The following PLA2G4A variants were observed in gnomAD, a reference collection of about 807,000 sequenced individuals.
PLA2G4A encodes cytosolic phospholipase A2.
Under a neutral mutation model 81.9 loss-of-function variants are expected in PLA2G4A, and 40 were observed. The ratio of observed to expected loss-of-function variants is 0.49; its 90% CI spans 0.38 to 0.64. The LOEUF (loss-of-function observed/expected upper bound fraction) is 0.64. Ranked by LOEUF, PLA2G4A falls within the 30% of genes least tolerant of loss-of-function variation. PLA2G4A has a pLI of 0.00. For missense variants in PLA2G4A, 715 were observed against 905.1 expected (o/e 0.79, Z 2.69); for synonymous variants, 302 against 296.9 (o/e 1.02, Z -0.18).
intron 3 of PLA2G4A, among the ~76,000 whole-genome samples, chr1:186,884,495 A>C (rs1653857536): frequency 6.6e-6 from 1 of 152,168 alleles, no homozygotes; most frequent in Non-Finnish European, 1.5e-5. Flanking sequence ...CAACTTAGGA[A>C]ACACATATTA....
At chr1:186,922,774 G>A (rs1571404867) in intron 7 of PLA2G4A, among the ~76,000 whole-genome samples, 1 of 152,328 alleles carries the variant, frequency 6.6e-6, no homozygotes, top group East Asian at 1.9e-4. Flanking sequence ...TGTCTCAAGA[G>A]CTGAGCTCCC....
At chr1:186,968,036 G>T (rs1035046180) in intron 15 of PLA2G4A, among the ~76,000 whole-genome samples, 1 of 152,062 alleles carries the variant, frequency 6.6e-6, no homozygotes, top group Admixed American at 6.6e-5. Flanking sequence ...GATGACCTAT[G>T]AGAAACAATG....
At chr1:186,857,154 C>A (rs1483998493) in intron 2 of PLA2G4A, among the ~76,000 whole-genome samples, 2 of 43,194 alleles carry the variant, frequency 4.6e-5, no homozygotes, top group African/African-American at 2.7e-4. Context: ...TATATAATTA[C>A]ATAATATAAT....
intron 8 of PLA2G4A, among the ~76,000 whole-genome samples, chr1:186,937,180 T>C (rs1267285284): frequency 4.0e-5 from 6 of 151,716 alleles, no homozygotes; most frequent in Non-Finnish European, 8.8e-5. Flanking sequence ...ATGCCAATGG[T>C]TGAAGTATTC....
intron 1 of PLA2G4A, among the ~76,000 whole-genome samples, chr1:186,841,682 A>T (rs1402370606): frequency 6.6e-6 from 1 of 152,210 alleles, no homozygotes; most frequent in Admixed American, 6.5e-5. Context: ...GTTTTTGACC[A>T]CCAAGAGGTG....
intron 5 of PLA2G4A, among the ~76,000 whole-genome samples, chr1:186,897,056 G>A (rs1294321191): frequency 6.6e-6 from 1 of 152,196 alleles, no homozygotes; most frequent in East Asian, 1.9e-4. Context: ...AGAGATGTAA[G>A]CCTTGAAGAT....
chr1:186,981,652 C>T (rs905012168), intron 17 of PLA2G4A, among the ~76,000 whole-genome samples: 4 of 152,138 alleles, frequency 2.6e-5, no homozygotes, highest in African/African-American at 9.7e-5. Flanking sequence ...GTGCAACCAA[C>T]CCCACCATCT....
chr1:186,905,090 G>C (rs986264866), intron 5 of PLA2G4A, among the ~76,000 whole-genome samples: 2 of 152,150 alleles, frequency 1.3e-5, no homozygotes, highest in South Asian at 4.1e-4. Context: ...CCTGACATCA[G>C]GTGATCCACC....
chr1:186,832,435 C>T lies in PLA2G4A; in HGVS notation c.-70+3400C>T, dbSNP rs562094757. ...TTTGAGGATTCTTTAAAATATTTAG[C>T]GAAATCTCATGGAATGCTAGTGATT... On this transcript the variant is annotated intron_variant, in intron 1 of 17. Transcript: ENST00000367466. 4.6e-5 allele frequency among the ~76,000 whole-genome samples: 7 copies of T among 151,956 alleles called. No homozygotes were observed. In the South Asian group the frequency reaches 6.2e-4, roughly 14 times the overall value.
chr1:186,862,505 C>A lies in PLA2G4A; in HGVS notation c.34-7930C>A, dbSNP rs1270526375. 1.3e-5 allele frequency among the ~76,000 whole-genome samples: 2 copies of A among 152,116 alleles called. 1 individual carries two copies. Among genetic ancestry groups the A allele is most frequent in the South Asian group, 4.1e-4 (2 of 4,824 alleles). On this transcript the variant is annotated intron_variant, in intron 2 of 17. Transcript: ENST00000367466. ...GGGATTACAGGCCTGAGCCATCGCG[C>A]CTGGCCTGAACCTTTTATTTGTTGC...
intron 1 of PLA2G4A, among the ~76,000 whole-genome samples, chr1:186,841,436 C>T (rs2102007362): frequency 6.6e-6 from 1 of 152,032 alleles, no homozygotes; most frequent in East Asian, 1.9e-4. Context: ...ATGTGGGGGG[C>T]AGGGTGGGGC....
At chr1:186,903,689 G>C (rs1421791669) in intron 5 of PLA2G4A, among the ~76,000 whole-genome samples, 2 of 152,154 alleles carry the variant, frequency 1.3e-5, no homozygotes, top group Non-Finnish European at 2.9e-5. Context: ...ATCTGTCACT[G>C]TCCCCCTTCA....
At chr1:186,927,885 G>A (rs971964813) in intron 7 of PLA2G4A, among the ~76,000 whole-genome samples, 3 of 152,130 alleles carry the variant, frequency 2.0e-5, no homozygotes, top group South Asian at 4.2e-4. Flanking sequence ...TTCCTTCATC[G>A]AGAATATTTC....
chr1:186,853,262 A>T (rs12070830), intron 1 of PLA2G4A, among the ~76,000 whole-genome samples: 33,942 of 151,012 alleles, frequency 0.22, 4,771 homozygotes, highest in African/African-American at 0.4. Context: ...CCATTTTTTT[A>T]AAAAAAAATT....
intron 13 of PLA2G4A, 56 bp from the exon 14 acceptor site, chr1:186,956,046 T>C (rs1365304488): frequency 1.3e-6 from 2 of 1,542,808 alleles, no homozygotes; most frequent in African/African-American, 2.7e-5. Flanking sequence ...AGCCCAAAGA[T>C]CCCTTTTTAA....
chr1:186,833,595 C>T (rs1343891804), intron 1 of PLA2G4A, among the ~76,000 whole-genome samples: 1 of 152,090 alleles, frequency 6.6e-6, no homozygotes, highest in African/African-American at 2.4e-5. Context: ...TTATTCTGGT[C>T]CTCTGATACC....
In PLA2G4A at chr1:186,895,099, A is replaced by G. The variant is rs561217376; in HGVS notation, c.378+888A>G. ...ATGAGTCTTCCTCCTTTGAGTCTCC[A>G]TGATAATTATCTATGGTATTCATTG... On this transcript the variant is annotated intron_variant, in intron 5 of 17. Transcript: ENST00000367466. Among the ~76,000 whole-genome samples the G allele has an allele frequency of 6.6e-5, 10 of 152,272 alleles. No homozygotes were observed. In the South Asian group the frequency reaches 2.1e-3, roughly 32 times the overall value.
chr1:186,912,406 T>TTATAGTATAGTATAGTATAG (rs1654979333), intron 7 of PLA2G4A, among the ~76,000 whole-genome samples: 1 of 152,078 alleles, frequency 6.6e-6, no homozygotes, highest in African/African-American at 2.4e-5. Context: ...GCATCCACCA[T>TTATAGTATAGTATAGTATAG]TATAGTATCA....
intron 7 of PLA2G4A, among the ~76,000 whole-genome samples, chr1:186,925,732 T>C (rs568148499): frequency 6.6e-6 from 1 of 152,308 alleles, no homozygotes; most frequent in African/African-American, 2.4e-5. Flanking sequence ...TCAGTTATGC[T>C]CTCTTATGGC....
Sources: allele counts gnomAD v4.1 joint callset (sites outside exome capture counted in the v4.1 genomes callset), GRCh38; gene constraint gnomAD v4.1.1; transcripts MANE v1.5; gene names NCBI Gene and HGNC (gene_info 2026-07-23, HGNC 2026-07-21).